Variants in TSPAN2 observed in about 807,000 individuals in gnomAD.
TSPAN2 encodes tetraspanin 2.
TSPAN2 carries 24 observed loss-of-function variants against 33.3 expected under a neutral mutation model. That is an observed-to-expected ratio of 0.72 (90% CI 0.52 to 1.01). The LOEUF is 1.01. Among genes scored for constraint, TSPAN2 ranks in the 50% least tolerant of loss-of-function variants. The pLI, the probability that TSPAN2 is intolerant of heterozygous loss-of-function variation, is 0.00. For synonymous variants in TSPAN2, 114 were observed against 104.5 expected (o/e 1.09, Z -0.56); for missense variants, 278 against 281.3 (o/e 0.99, Z 0.08).
chr1:115,085,036 A>G (rs1648781133), intron 1 of TSPAN2, among the ~76,000 whole-genome samples: 2 of 152,200 alleles, frequency 1.3e-5, no homozygotes, highest in Admixed American at 1.3e-4. Context: ...AAACCAAGGA[A>G]TAAACAGCGC....
At chr1:115,054,178 G>A (rs952876120) in intron 6 of TSPAN2, among the ~76,000 whole-genome samples, 3 of 152,128 alleles carry the variant, frequency 2.0e-5, no homozygotes, top group Non-Finnish European at 2.9e-5. Context: ...CTCCTATTTG[G>A]AGTGCTCTTA....
chr1:115,061,936 G>C (rs1310210764), intron 3 of TSPAN2, among the ~76,000 whole-genome samples, 199 bp downstream of exon 3: 1 of 152,160 alleles, frequency 6.6e-6, no homozygotes, highest in African/African-American at 2.4e-5. Context: ...TTACAGGCGT[G>C]AGTCATGGCA....
chr1:115,071,080 T>C (rs975573155), intron 2 of TSPAN2, among the ~76,000 whole-genome samples: 1 of 152,182 alleles, frequency 6.6e-6, no homozygotes, highest in African/African-American at 2.4e-5. Flanking sequence ...CCTCTGCTTT[T>C]TCCTTGTCAC....
intron 1 of TSPAN2, among the ~76,000 whole-genome samples, chr1:115,086,444 A>G (rs1468194532): frequency 1.3e-5 from 2 of 152,174 alleles, no homozygotes; most frequent in Non-Finnish European, 2.9e-5. Context: ...GCCCAGCTCC[A>G]TTCTACCAGT....
chr1:115,060,584 C>G, intron 3 of TSPAN2, 46 bp from the exon 4 acceptor site: 1 of 1,484,358 alleles, frequency 6.7e-7, no homozygotes, highest in Non-Finnish European at 9.3e-7. Context: ...AATACCTTTT[C>G]AATTTATATA....
At chr1:115,079,113 T>C (rs1171014529) in intron 1 of TSPAN2, among the ~76,000 whole-genome samples, 1 of 148,784 alleles carries the variant, frequency 6.7e-6, no homozygotes, top group African/African-American at 2.5e-5. Flanking sequence ...GGCAGGGGCA[T>C]ATGAACACAA....
chr1:115,057,108 C>T (rs900131548), intron 6 of TSPAN2, among the ~76,000 whole-genome samples: 2 of 152,222 alleles, frequency 1.3e-5, no homozygotes, highest in African/African-American at 4.8e-5. Context: ...TTTCCAACTG[C>T]CTACTGGATA....
At position 115,085,652 on chromosome 1, in the gene TSPAN2, G is replaced by A. The variant is rs374786960; in HGVS notation, c.69+3712C>T. On this transcript the variant is annotated intron_variant, in intron 1 of 7. Coordinates refer to ENST00000369516, the MANE Select transcript of TSPAN2 (RefSeq NM_005725.6). Reference sequence around the variant, plus strand: ...CCCACCCCTTTCCCAAACTTCCCACGAAGCCCTCCAACCACAAAAAAACAA... The same window carrying A: ...CCCACCCCTTTCCCAAACTTCCCACAAAGCCCTCCAACCACAAAAAAACAA... 2.2e-3 allele frequency among the ~76,000 whole-genome samples: 340 copies of A among 152,078 alleles called. 19 individuals are homozygous for A. The South Asian group carries it at 0.068, about 30-fold the overall frequency.
At position 115,048,683 on chromosome 1, in the gene TSPAN2, A is replaced by G. The variant is rs1675228194; in HGVS notation, c.*1807T>C. 1 of 152,062 alleles carries G rather than the reference A, an allele frequency of 6.6e-6. No homozygotes were observed. The highest frequency in any genetic ancestry group is 2.1e-4 in the South Asian group (1 of 4,820). The allele number at this position is 152,062 out of a possible 1,614,324, so 9.4% of individuals were successfully genotyped here. A position where few individuals can be genotyped will look rare whatever the true frequency, so the allele number is the denominator to read the frequency against. On this transcript the variant is annotated 3_prime_UTR_variant, in exon 8 of 8. Transcript: ENST00000369516. ...CAGGCAGAGAGATAAACTAAAGCTAAGAGAGATGGACTGCCTGTTCTTTGC... is the reference window on the plus strand; with the variant it reads ...CAGGCAGAGAGATAAACTAAAGCTAGGAGAGATGGACTGCCTGTTCTTTGC...
intron 4 of TSPAN2, 100 bp from the exon 5 acceptor site, chr1:115,059,081 A>G (rs980286758): frequency 6.7e-6 from 6 of 894,826 alleles, no homozygotes; most frequent in African/African-American, 1.7e-5. Context: ...TTTGAAAAAC[A>G]CTGCCTTTCT....
At chr1:115,085,812 G>C (rs1241358372) in intron 1 of TSPAN2, among the ~76,000 whole-genome samples, 1 of 152,048 alleles carries the variant, frequency 6.6e-6, no homozygotes, top group African/African-American at 2.4e-5. Flanking sequence ...CGCTCTAGTT[G>C]CTGCCTCCAC....
intron 1 of TSPAN2, among the ~76,000 whole-genome samples, chr1:115,082,976 G>A (rs1648685973): frequency 6.6e-6 from 1 of 152,166 alleles, no homozygotes; most frequent in Non-Finnish European, 1.5e-5. Flanking sequence ...GATCAGGTGG[G>A]ATAACGCATA....
At position 115,062,146 on chromosome 1, in the gene TSPAN2, C is replaced by T; in HGVS notation, c.259G>A (p.Val87Met). ...CCGAMRESQCVLGSFFTCLLV... is the reference protein window; with the variant it reads ...CCGAMRESQCMLGSFFTCLLV... ...CTCGCCCCACTTACTGATCCAAGCA[C>T]ACATTGCGACTCCCGCATGGCTCCG... Residue 87 changes from valine (V) to methionine (M), a missense_variant, in exon 3 of 8, where the codon GTG becomes ATG. Val to Met is a conservative substitution (Grantham distance 21, BLOSUM62 1). Coordinates refer to ENST00000369516, the MANE Select transcript of TSPAN2 (RefSeq NM_005725.6). The T allele has an allele frequency of 6.3e-7, 1 of 1,592,192 alleles. No homozygotes were observed. Among genetic ancestry groups the T allele is most frequent in the Non-Finnish European group, 8.6e-7 (1 of 1,168,978 alleles).
chr1:115,062,447 A>G (rs1283504121), intron 2 of TSPAN2, among the ~76,000 whole-genome samples: 2 of 152,180 alleles, frequency 1.3e-5, no homozygotes, highest in African/African-American at 2.4e-5. Flanking sequence ...CGGGAGAAAA[A>G]TAGCCATGAG....
At chr1:115,064,401 C>T (rs1013603525) in intron 2 of TSPAN2, among the ~76,000 whole-genome samples, 4 of 152,200 alleles carry the variant, frequency 2.6e-5, no homozygotes, top group African/African-American at 4.8e-5. Flanking sequence ...TACATGATGC[C>T]GTTTGCAGAT....
At chr1:115,085,253 G>A (rs1293966933) in intron 1 of TSPAN2, among the ~76,000 whole-genome samples, 1 of 152,222 alleles carries the variant, frequency 6.6e-6, no homozygotes, top group Admixed American at 6.5e-5. Flanking sequence ...AGAAATTAAT[G>A]TAGTGGGGTT....
intron 1 of TSPAN2, among the ~76,000 whole-genome samples, chr1:115,074,784 C>A (rs1029996019): frequency 2.0e-5 from 3 of 152,112 alleles, no homozygotes; most frequent in African/African-American, 4.8e-5. Context: ...CTTCTTGGGC[C>A]ATGCTTTAAC....
At chr1:115,066,358 A>G (rs1291261288) in intron 2 of TSPAN2, among the ~76,000 whole-genome samples, 2 of 152,218 alleles carry the variant, frequency 1.3e-5, no homozygotes, top group Non-Finnish European at 2.9e-5. Context: ...TATTCCCACC[A>G]ATAGTGTACG....
chr1:115,062,689 T>G (rs1444559367), intron 2 of TSPAN2, among the ~76,000 whole-genome samples: 1 of 152,228 alleles, frequency 6.6e-6, no homozygotes, highest in Non-Finnish European at 1.5e-5. Flanking sequence ...TTGGCACTTG[T>G]CTTACTTGGA....
Sources: gnomAD v4.1 joint callset for allele counts (sites outside exome capture counted in the v4.1 genomes callset) on GRCh38, gnomAD v4.1.1 for gene constraint, MANE v1.5 for transcripts, NCBI Gene and HGNC (gene_info 2026-07-23, HGNC 2026-07-21) for gene names.